The following GMDS variants were observed in gnomAD, a reference collection of about 807,000 sequenced individuals.
GMDS encodes the protein GDP-mannose 4,6 dehydratase.
In GMDS, 20 loss-of-function variants were observed where a neutral mutation model predicts 49.9. The observed-to-expected ratio is 0.40, with a 90% CI of 0.28 to 0.58. The LOEUF (loss-of-function observed/expected upper bound fraction) is 0.58. Ranked by LOEUF, GMDS falls within the 20% of genes least tolerant of loss-of-function variation. The probability of loss-of-function intolerance (pLI) is 0.42; values close to 1 mark genes in which losing one functional copy is unlikely to be tolerated. For synonymous variants in GMDS, 177 were observed against 178.6 expected, an observed-to-expected ratio of 0.99 and a Z score of 0.07; for missense variants, 362 against 481.4, an observed-to-expected ratio of 0.75 and a Z score of 2.32.
intron 7 of GMDS, among the ~76,000 whole-genome samples, chr6:1,747,762 G>A (rs952493412): frequency 2.0e-5 from 3 of 152,100 alleles, no homozygotes; most frequent in Non-Finnish European, 4.4e-5. Context: ...CACATAGGTA[G>A]GTCTTAGGTC....
rs145150502 is a variant in GMDS at position 1,863,159 on chromosome 6, G to A, written c.771+66944C>T. Among the ~76,000 whole-genome samples the A allele has an allele frequency of 3.8e-4, 58 of 152,170 alleles. No homozygotes were observed. In the East Asian group the frequency reaches 0.011, roughly 28 times the overall value. On this transcript the variant is annotated intron_variant, in intron 7 of 10. Transcript: ENST00000380815. ...ATCGATGGTTTTTATTACCTGTGTG[G>A]CTGTAAGGGGCTAGGGGGATCTTAA... is the stretch of plus-strand genomic sequence containing the variant.
At chr6:2,225,222 C>T (rs1330302932) in intron 1 of GMDS, among the ~76,000 whole-genome samples, 6 of 151,676 alleles carry the variant, frequency 4.0e-5, no homozygotes, top group South Asian at 2.1e-4. Context: ...CCCAGCTACT[C>T]GGGAGGCTGA....
chr6:1,832,179 TCA>T (rs1756677945), intron 7 of GMDS, among the ~76,000 whole-genome samples: 1 of 150,936 alleles, frequency 6.6e-6, no homozygotes, highest in African/African-American at 2.4e-5. Context: ...TCGAAGTTGT[TCA>T]GGAGTTTGAG....
chr6:1,977,700 G>C (rs1478406649), intron 4 of GMDS, among the ~76,000 whole-genome samples: 1 of 152,196 alleles, frequency 6.6e-6, no homozygotes, highest in Admixed American at 6.5e-5. Context: ...GAAGTGATGA[G>C]TGATTGTGTG....
At chr6:1,881,931 A>T (rs1759380455) in intron 7 of GMDS, among the ~76,000 whole-genome samples, 1 of 152,218 alleles carries the variant, frequency 6.6e-6, no homozygotes, top group South Asian at 2.1e-4. Context: ...AGTAAGATTC[A>T]AAGTCTCACA....
At chr6:1,951,116 T>A (rs896157713) in intron 6 of GMDS, among the ~76,000 whole-genome samples, 2 of 151,992 alleles carry the variant, frequency 1.3e-5, no homozygotes, top group Non-Finnish European at 2.9e-5. Context: ...ATTAATCTTA[T>A]CTTTACAGCA....
intron 4 of GMDS, among the ~76,000 whole-genome samples, chr6:2,032,027 T>A (rs1296724640): frequency 6.6e-6 from 1 of 152,186 alleles, no homozygotes; most frequent in Admixed American, 6.5e-5. Context: ...AATCAGAACT[T>A]ATTATTGAAA....
chr6:1,937,185 C>T (rs992733125), intron 6 of GMDS, among the ~76,000 whole-genome samples: 28 of 152,262 alleles, frequency 1.8e-4, no homozygotes, highest in Non-Finnish European at 2.9e-4. Flanking sequence ...GAACACTCTA[C>T]GTCTACAACC....
chr6:1,690,267 T>C (rs1765127975), intron 9 of GMDS, among the ~76,000 whole-genome samples: 1 of 152,238 alleles, frequency 6.6e-6, no homozygotes, highest in Admixed American at 6.5e-5. Context: ...TTGTTGCAAC[T>C]GCTTTTGACG....
intron 7 of GMDS, among the ~76,000 whole-genome samples, chr6:1,749,903 C>T (rs1274101636): frequency 1.3e-5 from 2 of 152,164 alleles, no homozygotes; most frequent in Non-Finnish European, 2.9e-5. Flanking sequence ...ATGATCGTAG[C>T]TCACTGCAGC....
chr6:2,163,693 T>C (rs1401170374), intron 1 of GMDS, among the ~76,000 whole-genome samples: 1 of 152,234 alleles, frequency 6.6e-6, no homozygotes, highest in East Asian at 1.9e-4. Flanking sequence ...ACCTTTGTTC[T>C]ATTCAGGACT....
At chr6:1,809,622 T>C (rs1469439120) in intron 7 of GMDS, among the ~76,000 whole-genome samples, 3 of 152,150 alleles carry the variant, frequency 2.0e-5, no homozygotes, top group African/African-American at 7.2e-5. Flanking sequence ...GGAGATGACA[T>C]AGGACAGATT....
Position 1,806,973 on chromosome 6 carries a change from T to C in GMDS, c.772-64387A>G, listed in dbSNP as rs991560508. 5.3e-5 allele frequency among the ~76,000 whole-genome samples: 8 copies of C among 152,222 alleles called. No individual in the cohort carries two copies. In the South Asian group the frequency reaches 1.4e-3, roughly 28 times the overall value. ...TATAATATGCATATTTGTCTTAATT[T>C]AGACCAGAAAAATCTCAATACGGGG... is the stretch of plus-strand genomic sequence containing the variant. On this transcript the variant is annotated intron_variant, in intron 7 of 10. Transcript: ENST00000380815.
At chr6:1,742,343 G>C in intron 8 of GMDS, 125 bp downstream of exon 8, 2 of 640,906 alleles carry the variant, frequency 3.1e-6, no homozygotes. Context: ...ACTCTACACT[G>C]AAACTTTCTG....
At chr6:1,934,658 T>C (rs1762438924) in intron 6 of GMDS, among the ~76,000 whole-genome samples, 1 of 152,240 alleles carries the variant, frequency 6.6e-6, no homozygotes, top group Middle Eastern at 3.2e-3. Context: ...ATTGTTTTCT[T>C]GATTTCAAGA....
intron 9 of GMDS, among the ~76,000 whole-genome samples, chr6:1,647,274 A>G (rs17842825): frequency 0.047 from 7,165 of 152,258 alleles, 541 homozygotes; most frequent in African/African-American, 0.16. Flanking sequence ...TTTGCTGTGG[A>G]ACGTAGGAAA....
chr6:1,927,350 T>G (rs1024926830), intron 7 of GMDS, among the ~76,000 whole-genome samples: 1 of 151,578 alleles, frequency 6.6e-6, no homozygotes, highest in Non-Finnish European at 1.5e-5. Flanking sequence ...GGGTAGCGTG[T>G]TGGTGTATTT....
At chr6:2,123,840 AT>A (rs1178380084) in intron 2 of GMDS, among the ~76,000 whole-genome samples, 1 of 152,278 alleles carries the variant, frequency 6.6e-6, no homozygotes, top group African/African-American at 2.4e-5. Flanking sequence ...AGGCTCTCAG[AT>A]TATGAGTTAA....
At chr6:1,961,531 T>C (rs898289987) in intron 4 of GMDS, among the ~76,000 whole-genome samples, 1 of 152,244 alleles carries the variant, frequency 6.6e-6, no homozygotes, top group South Asian at 2.1e-4. Flanking sequence ...AAGATGCTAA[T>C]GTATATATGA....
Sources: allele counts gnomAD v4.1 joint callset (sites outside exome capture counted in the v4.1 genomes callset), GRCh38; gene constraint gnomAD v4.1.1; transcripts MANE v1.5; gene names NCBI Gene and HGNC (gene_info 2026-07-23, HGNC 2026-07-21).